Variants in SRP54 observed in about 807,000 individuals in gnomAD.
The protein encoded by SRP54 is signal recognition particle 54.
SRP54 carries 10 observed loss-of-function variants against 64.8 expected under a neutral mutation model. That is an observed-to-expected ratio of 0.15 (90% confidence interval 0.10 to 0.26). The LOEUF is 0.26. Ranked by LOEUF, SRP54 falls within the 10% of genes least tolerant of loss-of-function variation. The probability of loss-of-function intolerance (pLI) is 1.00; values close to 1 mark genes in which losing one functional copy is unlikely to be tolerated. For synonymous variants in SRP54, 193 were observed against 185.6 expected, an observed-to-expected ratio of 1.04 and a Z score of -0.32; for missense variants, 325 against 613.7, an observed-to-expected ratio of 0.53 and a Z score of 4.97.
intron 1 of SRP54, among the ~76,000 whole-genome samples, chr14:34,987,230 GAAA>G (rs199590717): frequency 0.19 from 23,244 of 124,034 alleles, 2,509 homozygotes; most frequent in East Asian, 0.37. Flanking sequence ...CACTACATCT[GAAA>G]AAAAAAAAAA....
At chr14:35,005,180 A>G (rs1452943253) in intron 4 of SRP54, among the ~76,000 whole-genome samples, 1 of 152,300 alleles carries the variant, frequency 6.6e-6, no homozygotes, top group East Asian at 1.9e-4. Context: ...AACAAATACT[A>G]AAGTTAGCCA....
intron 4 of SRP54, among the ~76,000 whole-genome samples, chr14:35,006,234 G>A (rs903997216): frequency 1.3e-5 from 2 of 152,110 alleles, no homozygotes; most frequent in African/African-American, 4.8e-5. Context: ...TTTTTTACTA[G>A]CCCTCTAAAT....
At chr14:35,007,458 T>C in intron 5 of SRP54, 71 bp downstream of exon 5, 1 of 795,886 alleles carries the variant, frequency 1.3e-6, no homozygotes, top group Non-Finnish European at 1.8e-6. Context: ...TTGTATTTAA[T>C]ATAAAAATGT....
At position 35,014,290 on chromosome 14, in the gene SRP54, T is replaced by TTTTTTTTTTTTTTTTTTTTTTTTTTTTG. The variant is rs376712278; in HGVS notation, c.886+392_886+393insTTTTTTTTTTTTTTTTTTTTTTTGTTTT. Among the ~76,000 whole-genome samples, 82 of 127,314 alleles carry TTTTTTTTTTTTTTTTTTTTTTTTTTTTG rather than the reference T, an allele frequency of 6.4e-4. 7 individuals are homozygous for TTTTTTTTTTTTTTTTTTTTTTTTTTTTG. Among genetic ancestry groups the TTTTTTTTTTTTTTTTTTTTTTTTTTTTG allele is most frequent in the East Asian group, 1.4e-3 (5 of 3,664 alleles). The allele number at this position is 127,314 out of a possible 152,430, so 83.5% of individuals were successfully genotyped here. Reference sequence around the variant, plus strand: ...TGCCACTTAACTTTTTTTTTTTTTTTTTTTGAGACGGAGTTTCGCTCTTGT... The same window carrying TTTTTTTTTTTTTTTTTTTTTTTTTTTTG: ...TGCCACTTAACTTTTTTTTTTTTTTTTTTTTTTTTTTTTTTTTTTTTTTTTTTGTTTTGAGACGGAGTTTCGCTCTTGT... On this transcript the variant is annotated intron_variant, in intron 10 of 15. Transcript: ENST00000216774.
intron 8 of SRP54, among the ~76,000 whole-genome samples, chr14:35,013,069 A>G (rs28535942): frequency 0.17 from 25,883 of 150,784 alleles, 2,376 homozygotes; most frequent in East Asian, 0.31. Context: ...TGAGCCTCTC[A>G]AGTAGCTGGG....
intron 1 of SRP54, among the ~76,000 whole-genome samples, chr14:34,985,206 C>T (rs1317101436): frequency 6.6e-6 from 1 of 152,142 alleles, no homozygotes; most frequent in Non-Finnish European, 1.5e-5. Flanking sequence ...AGTGGCGCCG[C>T]CTGTAGTCCC....
At chr14:35,000,892 T>C (rs780522553) in intron 3 of SRP54, 44 bp from the exon 4 acceptor site, 3 of 1,102,502 alleles carry the variant, frequency 2.7e-6, no homozygotes, top group Non-Finnish European at 3.9e-6. Flanking sequence ...GTTTCTTAAC[T>C]GATTTTCTCC....
chr14:34,989,544 A>G (rs1329326099), intron 1 of SRP54, among the ~76,000 whole-genome samples: 1 of 152,160 alleles, frequency 6.6e-6, no homozygotes, highest in Non-Finnish European at 1.5e-5. Context: ...GACTCTGTTT[A>G]TATAATCTCA....
At chr14:35,003,535 T>TTTTG (rs897515874) in intron 4 of SRP54, among the ~76,000 whole-genome samples, 1 of 150,878 alleles carries the variant, frequency 6.6e-6, no homozygotes, top group Non-Finnish European at 1.5e-5. Context: ...CCACCATGTT[T>TTTTG]TTTGTTTGTT....
intron 1 of SRP54, among the ~76,000 whole-genome samples, chr14:34,992,855 CTTA>C (rs1453820023): frequency 2.6e-4 from 40 of 151,292 alleles, no homozygotes; most frequent in African/African-American, 9.7e-4. Flanking sequence ...ACTAGTATGG[CTTA>C]TTTATTTATT....
chr14:34,987,518 A>G (rs1305526381), intron 1 of SRP54, among the ~76,000 whole-genome samples: 2 of 151,982 alleles, frequency 1.3e-5, no homozygotes, highest in African/African-American at 4.8e-5. Flanking sequence ...ATTCTGAACA[A>G]TTCATGTGGA....
At chr14:34,996,821 G>C in intron 2 of SRP54, 34 bp downstream of exon 2, 1 of 1,391,172 alleles carries the variant, frequency 7.2e-7, no homozygotes, top group Non-Finnish European at 1.0e-6. Flanking sequence ...ATATATGATT[G>C]TATATTGTCA....
chr14:35,007,144 GATT>G (rs2044269540), intron 4 of SRP54, 136 bp from the exon 5 acceptor site: 2 of 429,478 alleles, frequency 4.7e-6, no homozygotes, highest in Admixed American at 7.5e-5. Flanking sequence ...AGTGAGCTCT[GATT>G]ATGCCACTGC....
chr14:35,028,819 T>TAAGATACATAAA (rs2044676456), intron 15 of SRP54, among the ~76,000 whole-genome samples: 1 of 152,230 alleles, frequency 6.6e-6, no homozygotes, highest in Non-Finnish European at 1.5e-5. Flanking sequence ...AAGATCTTTT[T>TAAGATACATAAA]ATGTATCACC....
At chr14:34,998,101 T>C (rs2044098871) in intron 2 of SRP54, among the ~76,000 whole-genome samples, 1 of 152,056 alleles carries the variant, frequency 6.6e-6, no homozygotes, top group South Asian at 2.1e-4. Context: ...GCAGACCCGT[T>C]TAATGAGGGA....
intron 7 of SRP54, among the ~76,000 whole-genome samples, chr14:35,010,310 G>A (rs1160820729): frequency 6.6e-6 from 1 of 152,038 alleles, no homozygotes; most frequent in African/African-American, 2.4e-5. Context: ...ACTGGACGTG[G>A]TGGCGTGTGC....
At chr14:35,026,251 C>T (rs918612710) in intron 14 of SRP54, among the ~76,000 whole-genome samples, 10 of 148,596 alleles carry the variant, frequency 6.7e-5, no homozygotes, top group Admixed American at 1.4e-4. Context: ...GACAGGGTCT[C>T]GCTGTGTCAC....
chr14:35,003,495 CT>C, intron 4 of SRP54, among the ~76,000 whole-genome samples: 1 of 152,058 alleles, frequency 6.6e-6, no homozygotes, highest in Non-Finnish European at 1.5e-5. Flanking sequence ...TCTCCTCAGC[CT>C]CCAGAGAAGC....
chr14:35,010,904 T>C (rs1485095833), intron 7 of SRP54, among the ~76,000 whole-genome samples: 1 of 152,180 alleles, frequency 6.6e-6, no homozygotes, highest in Non-Finnish European at 1.5e-5. Context: ...GTTACAGAAA[T>C]ATTTTTTCTT....
Sources: allele counts gnomAD v4.1 joint callset (sites outside exome capture counted in the v4.1 genomes callset), GRCh38; gene constraint gnomAD v4.1.1; transcripts MANE v1.5; gene names NCBI Gene and HGNC (gene_info 2026-07-23, HGNC 2026-07-21).